Variants in MUSK observed in about 807,000 individuals in gnomAD.
MUSK encodes muscle associated receptor tyrosine kinase.
MUSK carries 55 observed loss-of-function variants against 88.7 expected under a neutral mutation model. That is an observed-to-expected ratio of 0.62 (90% CI 0.50 to 0.78). The LOEUF is 0.78. Ranked by LOEUF, MUSK falls within the 30% of genes least tolerant of loss-of-function variation. MUSK has a pLI of 0.00. For missense variants in MUSK, 1,015 were observed against 1,074.3 expected (o/e 0.94, Z 0.77); for synonymous variants, 387 against 391.9 (o/e 0.99, Z 0.15).
At chr9:110,722,686 C>T (rs181730706) in intron 5 of MUSK, among the ~76,000 whole-genome samples, 1 of 150,686 alleles carries the variant, frequency 6.6e-6, no homozygotes, top group Non-Finnish European at 1.5e-5. Flanking sequence ...CTACAAAGAA[C>T]TGAAACAGCA....
At position 110,784,921 on chromosome 9, in the gene MUSK, A is replaced by G; in HGVS notation, c.1491A>G (p.Ile497Met). 6.2e-7 allele frequency: 1 copy of G among 1,613,790 alleles called. No homozygotes were observed. The highest frequency in any genetic ancestry group is 1.1e-5 in the South Asian group (1 of 91,082). The change falls in exon 12 of 15, where the codon ATA becomes ATG. Residue 497 changes from isoleucine to methionine, a missense_variant. Transcript: ENST00000374448. Reference protein sequence around the residue: ...SVSPTYSMTVIISIMSSFAIF... With the variant: ...SVSPTYSMTVMISIMSSFAIF... ...CACCTACATACTCCATGACTGTAAT[A>G]ATCTCCATCATGTCCAGCTTTGCAA...
intron 14 of MUSK, chr9:110,788,159 A>G: frequency 3.9e-6 from 1 of 259,028 alleles, no homozygotes; most frequent in East Asian, 1.0e-4. Flanking sequence ...AAAAGTCTAT[A>G]TATTTTACTT....
intron 3 of MUSK, among the ~76,000 whole-genome samples, chr9:110,689,570 T>G (rs535155507): frequency 1.1e-5 from 1 of 91,954 alleles, no homozygotes; most frequent in South Asian, 3.1e-4. Flanking sequence ...TTATATATAT[T>G]TATATATTTT....
chr9:110,689,709 A>ATATATTTTATATATAAATATATATATAT (rs1259002278), intron 3 of MUSK, among the ~76,000 whole-genome samples: 1 of 55,306 alleles, frequency 1.8e-5, no homozygotes, highest in Non-Finnish European at 3.1e-5. Flanking sequence ...ATAAATATAT[A>ATATATTTTATATATAAATATATATATAT]ACTATATATG....
At chr9:110,689,718 T>TAGTTATATATAAATATATAACTATATATA (rs370720549) in intron 3 of MUSK, among the ~76,000 whole-genome samples, 25,660 of 51,362 alleles carry the variant, frequency 0.5, 5,987 homozygotes, top group Middle Eastern at 0.65. Context: ...TAACTATATA[T>TAGTTATATATAAATATATAACTATATATA]GTTATATATA....
rs745336025 is a variant in MUSK, at chr9:110,682,704, T to C, written c.110T>C (p.Val37Ala). ...GTCATCACCACTCCTCTTGAAACAGTGGATGCCTTAGTTGAAGAAGTGGCT... is the reference window on the plus strand; with the variant it reads ...GTCATCACCACTCCTCTTGAAACAGCGGATGCCTTAGTTGAAGAAGTGGCT... ...APVITTPLET[V>A]DALVEEVATF... Residue 37 changes from valine (V) to alanine (A), a missense_variant, in exon 2 of 15, where the codon GTG becomes GCG. Physicochemically the swap from Val to Ala is moderately conservative, Grantham distance 64 (BLOSUM62 0). Coordinates refer to ENST00000374448, the MANE Select transcript of MUSK (RefSeq NM_005592.4). The C allele has an allele frequency of 3.1e-6, 5 of 1,612,634 alleles. No individual in the cohort carries two copies. The African/African-American group carries it at 5.3e-5, about 17-fold the overall frequency.
chr9:110,690,139 G>T (rs186091846), intron 3 of MUSK, among the ~76,000 whole-genome samples: 1,953 of 58,540 alleles, frequency 0.033, 39 homozygotes, highest in Middle Eastern at 0.048. Context: ...TATAAATATA[G>T]AAATATATAT....
At position 110,734,242 on chromosome 9, in the gene MUSK, T is replaced by C; in HGVS notation, c.629-9T>C. On this transcript the variant is annotated splice_polypyrimidine_tract_variant and intron_variant, in intron 5 of 14. Transcript: ENST00000374448. Reference sequence around the variant, plus strand: ...GGAGCGTCACTCACCACTTCTGTCTTCCTAACAGTTTTTGCCAGGATCCTG... The same window carrying C: ...GGAGCGTCACTCACCACTTCTGTCTCCCTAACAGTTTTTGCCAGGATCCTG... 1 of 1,608,700 alleles carries C rather than the reference T, an allele frequency of 6.2e-7. No individual in the cohort carries two copies. The highest frequency in any genetic ancestry group is 8.5e-7 in the Non-Finnish European group (1 of 1,177,192).
At chr9:110,734,435 A>G in intron 6 of MUSK, 60 bp downstream of exon 6, 1 of 1,605,306 alleles carries the variant, frequency 6.2e-7, no homozygotes. Context: ...GAACTTCAGG[A>G]TAGACCATAT....
intron 11 of MUSK, among the ~76,000 whole-genome samples, chr9:110,781,275 TGTTTTG>T (rs1460568506): frequency 1.3e-5 from 2 of 151,984 alleles, no homozygotes; most frequent in East Asian, 3.9e-4. Context: ...TGTTTTGTTT[TGTTTTG>T]TTTTGTTTTG....
intron 7 of MUSK, among the ~76,000 whole-genome samples, chr9:110,752,890 G>C (rs1248538333): frequency 6.6e-6 from 1 of 152,130 alleles, no homozygotes; most frequent in Non-Finnish European, 1.5e-5. Context: ...GTCATCAAAA[G>C]GAGTCAGAAA....
intron 3 of MUSK, among the ~76,000 whole-genome samples, chr9:110,689,007 A>G (rs2076239183): frequency 7.0e-6 from 1 of 143,722 alleles, no homozygotes; most frequent in African/African-American, 2.5e-5. Context: ...TAAATATATA[A>G]AAACATATTT....
At chr9:110,743,130 C>T (rs192653273) in intron 6 of MUSK, among the ~76,000 whole-genome samples, 1 of 152,278 alleles carries the variant, frequency 6.6e-6, no homozygotes, top group Admixed American at 6.5e-5. Flanking sequence ...AAACTAATGC[C>T]ATAGCACGCT....
chr9:110,671,843 A>G (rs1044627031), intron 1 of MUSK, among the ~76,000 whole-genome samples: 11 of 152,236 alleles, frequency 7.2e-5, no homozygotes, highest in Non-Finnish European at 1.2e-4. Flanking sequence ...TCATGTAAGC[A>G]GCTCTGGATT....
chr9:110,781,537 A>G (rs1175694891), intron 11 of MUSK, among the ~76,000 whole-genome samples: 1 of 152,100 alleles, frequency 6.6e-6, no homozygotes, highest in Non-Finnish European at 1.5e-5. Context: ...TAGCCTCCCA[A>G]AGTGCTGGGA....
In MUSK at chr9:110,806,331, C is replaced by T. The variant is rs866178768; in HGVS notation, c.*5343C>T. 1.3e-5 allele frequency among the ~76,000 whole-genome samples: 2 copies of T among 152,154 alleles called. No homozygotes were observed. The highest frequency in any genetic ancestry group is 1.3e-4 in the Admixed American group (2 of 15,258). On this transcript the variant is annotated 3_prime_UTR_variant, in exon 15 of 15. Coordinates refer to ENST00000374448, the MANE Select transcript of MUSK (RefSeq NM_005592.4). Reference sequence around the variant, plus strand: ...TACCTACTGATTCTGGATTGTGCTACATAAAATTAGAGCTTCCAAATTTCC... The same window carrying T: ...TACCTACTGATTCTGGATTGTGCTATATAAAATTAGAGCTTCCAAATTTCC...
At chr9:110,797,791 A>T (rs10759469) in intron 14 of MUSK, among the ~76,000 whole-genome samples, 21 of 152,172 alleles carry the variant, frequency 1.4e-4, no homozygotes, top group Non-Finnish European at 2.1e-4. Flanking sequence ...GTATACATTT[A>T]GTCATTAAAC....
At chr9:110,780,790 C>T (rs1051546170) in intron 11 of MUSK, among the ~76,000 whole-genome samples, 3 of 151,984 alleles carry the variant, frequency 2.0e-5, no homozygotes, top group South Asian at 2.1e-4. Context: ...TCCCTTTATC[C>T]GTGATATCTG....
chr9:110,725,157 G>GA (rs2076867461), intron 5 of MUSK, among the ~76,000 whole-genome samples: 1 of 151,984 alleles, frequency 6.6e-6, no homozygotes, highest in African/African-American at 2.4e-5. Context: ...CTCAGGAATG[G>GA]AAAACCAAAC....
Sources: allele counts gnomAD v4.1 joint callset (sites outside exome capture counted in the v4.1 genomes callset), GRCh38; gene constraint gnomAD v4.1.1; transcripts MANE v1.5; gene names NCBI Gene and HGNC (gene_info 2026-07-23, HGNC 2026-07-21).